The following EPB41L4A variants were observed in gnomAD, a reference collection of about 807,000 sequenced individuals.
The protein encoded by EPB41L4A is erythrocyte membrane protein band 4.1 like 4A.
In EPB41L4A, 100 loss-of-function variants were observed where a neutral mutation model predicts 108.6. The ratio of observed to expected loss-of-function variants is 0.92; its 90% CI spans 0.78 to 1.09. The LOEUF (loss-of-function observed/expected upper bound fraction) is 1.09, where lower values mean the gene tolerates loss of function less well. Ranked by LOEUF, EPB41L4A falls within the 50% of genes least tolerant of loss-of-function variation. The pLI, the probability that EPB41L4A is intolerant of heterozygous loss-of-function variation, is 0.00. For synonymous variants in EPB41L4A, 319 were observed against 289.0 expected, an observed-to-expected ratio of 1.10 and a Z score of -1.05; for missense variants, 1,030 against 842.7, an observed-to-expected ratio of 1.22 and a Z score of -2.75.
intron 1 of EPB41L4A, among the ~76,000 whole-genome samples, chr5:112,393,317 A>C (rs913386181): frequency 6.6e-6 from 1 of 152,150 alleles, no homozygotes; most frequent in East Asian, 1.9e-4. Context: ...TTTTTTGAAA[A>C]GATCAACAAA....
rs934283106 is a variant in EPB41L4A, at chr5:112,164,905, T to G, written c.*85A>C. 44 of 1,322,454 alleles carry G rather than the reference T, an allele frequency of 3.3e-5. 1 individual carries two copies. The highest frequency in any genetic ancestry group is 2.9e-5 in the Non-Finnish European group (29 of 990,576). 81.9% of individuals were successfully genotyped at this position (1,322,454 alleles called of 1,614,324 possible). A position where few individuals can be genotyped will look rare whatever the true frequency, so the allele number is the denominator to read the frequency against. On this transcript the variant is annotated 3_prime_UTR_variant, in exon 23 of 23. Transcript: ENST00000261486. ...AAGAAATACTTGCAGGTCTGAGATT[T>G]GAATTAAGATACCTATTTCACAGTT...
rs1760003201 is a variant in EPB41L4A at position 112,162,956 on chromosome 5, G to C, written c.*2034C>G. The C allele has an allele frequency of 6.6e-6, 1 of 152,200 alleles. No homozygotes were observed. Among genetic ancestry groups the C allele is most frequent in the African/African-American group, 2.4e-5 (1 of 41,440 alleles). 9.4% of individuals were successfully genotyped at this position (152,200 alleles called of 1,614,324 possible). On this transcript the variant is annotated 3_prime_UTR_variant, in exon 23 of 23. Coordinates refer to ENST00000261486, the MANE Select transcript of EPB41L4A (RefSeq NM_022140.5). ...CTTCAGTGCCCTGTTTTAGAACTGA[G>C]TCCTTACTGAGGCTTGTAAGATGGC...
rs1187875797 is a variant in EPB41L4A at position 112,264,900 on chromosome 5, G to C, written c.550C>G (p.Leu184Val). The C allele has an allele frequency of 1.9e-6, 3 of 1,610,334 alleles. No individual in the cohort carries two copies. Among genetic ancestry groups the C allele is most frequent in the East Asian group, 2.2e-5 (1 of 44,674 alleles). The change falls in exon 6 of 23, where the codon CTA becomes GTA. Residue 184 changes from leucine to valine, a missense_variant. Transcript: ENST00000261486. ...EEAIERIHKT[L>V]MGQIPSEAEL... ...ACATGGTGTAATGATTCTTACATTA[G>C]AGTTTTATGAATCCTTTCTATGGCT...
At chr5:112,244,557 A>G (rs1750068452) in intron 9 of EPB41L4A, among the ~76,000 whole-genome samples, 1 of 152,208 alleles carries the variant, frequency 6.6e-6, no homozygotes, top group Non-Finnish European at 1.5e-5. Flanking sequence ...AGGCTGCAGA[A>G]GGCGGTGTCT....
Position 112,419,205 on chromosome 5 carries a change from G to T in EPB41L4A, c.-166C>A. 2.0e-6 allele frequency: 1 copy of T among 509,410 alleles called. No homozygotes were observed. The highest frequency in any genetic ancestry group is 3.5e-6 in the Non-Finnish European group (1 of 288,382). 31.6% of individuals were successfully genotyped at this position (509,410 alleles called of 1,614,324 possible). ...ACCGGCCGCCGAACCGCCCGGCGGG[G>T]CGGGAGCGAGAAAGGCGGAAAAGCC... On this transcript the variant is annotated 5_prime_UTR_variant, in exon 1 of 23. Transcript: ENST00000261486.
intron 1 of EPB41L4A, among the ~76,000 whole-genome samples, chr5:112,345,691 G>A (rs143618638): frequency 0.013 from 1,927 of 151,542 alleles, 44 homozygotes; most frequent in South Asian, 0.05. Flanking sequence ...GTGTGTGTAC[G>A]TGTGTGTGTT....
intron 18 of EPB41L4A, among the ~76,000 whole-genome samples, chr5:112,180,349 G>A (rs1204422833): frequency 2.0e-5 from 3 of 152,168 alleles, no homozygotes; most frequent in Admixed American, 1.3e-4. Flanking sequence ...TAAAGCTACA[G>A]TAACCGAGAC....
At chr5:112,145,145 C>G (rs972640115) in intron 13 of EPB41L4A, among the ~76,000 whole-genome samples, 8 of 152,124 alleles carry the variant, frequency 5.3e-5, no homozygotes, top group Admixed American at 5.2e-4. Context: ...CAAAAATTAG[C>G]CAGGCGTGGT....
chr5:112,251,690 T>C (rs1750684807), intron 9 of EPB41L4A, among the ~76,000 whole-genome samples: 2 of 152,100 alleles, frequency 1.3e-5, no homozygotes, highest in Non-Finnish European at 1.5e-5. Context: ...GGGAGTTGAG[T>C]TTTTGAGTAA....
At chr5:112,362,863 A>T (rs754335620) in intron 1 of EPB41L4A, among the ~76,000 whole-genome samples, 2 of 152,172 alleles carry the variant, frequency 1.3e-5, no homozygotes, top group Admixed American at 6.5e-5. Context: ...ATGGCTTATG[A>T]TGTTTCCTAA....
Position 112,204,408 on chromosome 5 carries a change from C to T in EPB41L4A, c.1343G>A (p.Ser448Asn). The change falls in exon 15 of 23, where the codon AGT (serine) becomes AAT (asparagine). Residue 448 changes from serine (S) to asparagine (N), a missense_variant. By Grantham distance (46) the Ser-to-Asn change is conservative. Transcript: ENST00000261486. ...YTRRRNPSCG[S>N]DNDSVQPVRR... ...CACAGGCTGTACAGAATCATTGTCACTTCCACAGGAGGGGTTTCGGCGACG... is the reference window on the plus strand; with the variant it reads ...CACAGGCTGTACAGAATCATTGTCATTTCCACAGGAGGGGTTTCGGCGACG... 2 of 1,613,820 alleles carry T rather than the reference C, an allele frequency of 1.2e-6. No individual in the cohort carries two copies. The highest frequency in any genetic ancestry group is 1.7e-6 in the Non-Finnish European group (2 of 1,179,774).
At chr5:112,154,843 T>G (rs1174003643) in intron 12 of EPB41L4A, among the ~76,000 whole-genome samples, 1 of 152,020 alleles carries the variant, frequency 6.6e-6, no homozygotes, top group Non-Finnish European at 1.5e-5. Flanking sequence ...TTCACAATCC[T>G]CTGGCACACA....
At chr5:112,236,058 G>C (rs1253097593) in intron 11 of EPB41L4A, among the ~76,000 whole-genome samples, 1 of 152,116 alleles carries the variant, frequency 6.6e-6, no homozygotes, top group African/African-American at 2.4e-5. Context: ...AAAGACCTGG[G>C]CACTGTACAC....
chr5:112,186,147 A>C (rs1055240754), intron 17 of EPB41L4A, among the ~76,000 whole-genome samples: 4 of 152,232 alleles, frequency 2.6e-5, no homozygotes, highest in Non-Finnish European at 5.9e-5. Context: ...TCTGAACAAA[A>C]TCACTGTCCA....
intron 1 of EPB41L4A, among the ~76,000 whole-genome samples, chr5:112,318,597 T>A (rs111649193): frequency 2.0e-5 from 3 of 152,134 alleles, no homozygotes; most frequent in African/African-American, 7.2e-5. Flanking sequence ...GTGTTCACAG[T>A]CAACATCACA....
intron 1 of EPB41L4A, among the ~76,000 whole-genome samples, chr5:112,318,457 A>C (rs541790017): frequency 6.6e-6 from 1 of 152,290 alleles, no homozygotes. Flanking sequence ...CCATGTGGAG[A>C]GACCTTGAGA....
intron 17 of EPB41L4A, chr5:112,192,331 TTTC>T (rs2150256351): frequency 6.6e-6 from 1 of 152,310 alleles, no homozygotes; most frequent in Non-Finnish European, 1.5e-5. Flanking sequence ...GAAAGCTATA[TTTC>T]TTCTTCCTCT....
At chr5:112,355,546 G>A (rs821753) in intron 1 of EPB41L4A, among the ~76,000 whole-genome samples, 2,976 of 152,250 alleles carry the variant, frequency 0.02, 102 homozygotes, top group African/African-American at 0.067. Context: ...CCAATATGAT[G>A]AGTTCATTTC....
chr5:112,175,692 C>T (rs966339823), intron 18 of EPB41L4A: 41 of 149,308 alleles, frequency 2.7e-4, no homozygotes, highest in Middle Eastern at 3.5e-3. Context: ...AAAATATTTT[C>T]TATATTATGT....
Sources: gnomAD v4.1 joint callset for allele counts (sites outside exome capture counted in the v4.1 genomes callset) on GRCh38, gnomAD v4.1.1 for gene constraint, MANE v1.5 for transcripts, NCBI Gene and HGNC (gene_info 2026-07-23, HGNC 2026-07-21) for gene names.